Variants in CEP63 observed in about 807,000 individuals in gnomAD.
CEP63 encodes the protein centrosomal protein 63.
In CEP63, 84 loss-of-function variants were observed where a neutral mutation model predicts 89.1. That is an observed-to-expected ratio of 0.94 (90% CI 0.79 to 1.13). The LOEUF (loss-of-function observed/expected upper bound fraction) is 1.13. CEP63 is among the 50% of genes most tolerant of loss of function. The probability of loss-of-function intolerance (pLI) is 0.00; values close to 1 mark genes in which losing one functional copy is unlikely to be tolerated. For missense variants in CEP63, 838 were observed against 813.3 expected (o/e 1.03, Z -0.37); for synonymous variants, 267 against 272.5 (o/e 0.98, Z 0.20).
chr3:134,569,301 G>A (rs967511454), downstream of CEP63, among the ~76,000 whole-genome samples: 6 of 152,214 alleles, frequency 3.9e-5, no homozygotes, highest in African/African-American at 1.2e-4. Flanking sequence ...ATAGTCCAAA[G>A]TCTCATCTGA....
intron 1 of CEP63, among the ~76,000 whole-genome samples, chr3:134,491,570 G>C (rs527752016): frequency 9.9e-5 from 15 of 152,046 alleles, no homozygotes; most frequent in Non-Finnish European, 1.8e-4. Flanking sequence ...CTTTCTCATT[G>C]TTCTTCCTGG....
chr3:134,516,516 C>T (rs1946268842), intron 3 of CEP63, among the ~76,000 whole-genome samples: 1 of 152,156 alleles, frequency 6.6e-6, no homozygotes, highest in East Asian at 1.9e-4. Context: ...CAGGTCTTAC[C>T]CTTCCCATGA....
chr3:134,587,215 CT>C (rs970508448), intron 10 of CEP63, among the ~76,000 whole-genome samples: 15 of 134,834 alleles, frequency 1.1e-4, no homozygotes, highest in African/African-American at 4.3e-4. Context: ...AAGTCATTCT[CT>C]GTCCAGTTTT....
At chr3:134,535,336 C>T (rs1476678884) in intron 5 of CEP63, 1 of 152,154 alleles carries the variant, frequency 6.6e-6, no homozygotes, top group African/African-American at 2.4e-5. Flanking sequence ...CTTCCTCATC[C>T]TACCTACAGC....
rs1957406059 is a variant in CEP63 at position 134,562,124 on chromosome 3, GGA to G, written c.*595_*596del. The G allele has an allele frequency of 2.0e-6, 2 of 988,746 alleles. No individual in the cohort carries two copies. The highest frequency in any genetic ancestry group is 1.7e-5 in the African/African-American group (1 of 57,270). The allele number at this position is 988,746 out of a possible 1,614,324, so 61.2% of individuals were successfully genotyped here. ...CTCTCTTGCTCAACACTCATGCAGA[GGA>G]GAGAGGCAGGGAGGGCAAGGGACTG... On this transcript the variant is annotated 3_prime_UTR_variant, in exon 15 of 15. Coordinates refer to ENST00000675561, the MANE Select transcript of CEP63 (RefSeq NM_001353108.3).
At chr3:134,640,165 C>T in the CEP63 span, among the ~76,000 whole-genome samples, 1 of 148,804 alleles carries the variant, frequency 6.7e-6, no homozygotes, top group African/African-American at 2.5e-5. Context: ...AATGTTGAAC[C>T]ATTCCGAGCA....
chr3:134,608,482 C>T, the CEP63 span: 12 of 1,538,530 alleles, frequency 7.8e-6, no homozygotes, highest in African/African-American at 1.4e-5. Flanking sequence ...TGGGCTGCCT[C>T]AGCAGCCTCC....
intron 2 of CEP63, among the ~76,000 whole-genome samples, chr3:134,506,478 GC>G (rs1943476931): frequency 6.6e-6 from 1 of 152,128 alleles, no homozygotes; most frequent in African/African-American, 2.4e-5. Flanking sequence ...TTACAGAGGC[GC>G]TTGTTGGCTG....
At chr3:134,671,381 G>C in the CEP63 span, among the ~76,000 whole-genome samples, 2 of 152,174 alleles carry the variant, frequency 1.3e-5, no homozygotes, top group Admixed American at 1.3e-4. Context: ...CACCTATTGG[G>C]TACGATGTTC....
rs567819957 is a variant in CEP63, at chr3:134,505,274, T to G, written c.45-1835T>G. Among the ~76,000 whole-genome samples the G allele has an allele frequency of 5.3e-5, 8 of 152,206 alleles. No homozygotes were observed. The South Asian group carries it at 1.7e-3, about 32-fold the overall frequency. On this transcript the variant is annotated intron_variant, in intron 2 of 14. Coordinates refer to ENST00000675561, the MANE Select transcript of CEP63 (RefSeq NM_001353108.3). ...ATGGATTGGCTTTCATAGGGAAAAT[T>G]TTTTTCATATAGGTGTATCTATAGT...
At chr3:134,710,540 G>C in the CEP63 span, among the ~76,000 whole-genome samples, 41 of 152,268 alleles carry the variant, frequency 2.7e-4, no homozygotes, top group Non-Finnish European at 4.0e-4. Flanking sequence ...AATTCAAACA[G>C]TGTGGCCTGG....
chr3:134,650,733 G>A, the CEP63 span: 3 of 1,224,688 alleles, frequency 2.4e-6, no homozygotes, highest in African/African-American at 4.7e-5. Flanking sequence ...CCTCGTTCGG[G>A]GGAGCAATGG....
At chr3:134,674,095 G>C in the CEP63 span, among the ~76,000 whole-genome samples, 5 of 152,202 alleles carry the variant, frequency 3.3e-5, no homozygotes, top group Non-Finnish European at 7.3e-5. Context: ...CTGACTTTTA[G>C]TGTACTGTTG....
chr3:134,773,689 A>AC, the CEP63 span, among the ~76,000 whole-genome samples: 35 of 147,384 alleles, frequency 2.4e-4, no homozygotes, highest in Non-Finnish European at 3.3e-4. Flanking sequence ...CCCACAGCCC[A>AC]CCCCCCCACC....
the CEP63 span, among the ~76,000 whole-genome samples, chr3:134,708,612 T>G: frequency 1.3e-5 from 2 of 152,170 alleles, no homozygotes; most frequent in African/African-American, 4.8e-5. Flanking sequence ...CAGACTACGG[T>G]GTTTTATGTT....
chr3:134,547,628 T>TTTTTTTTTTTTTTTTTTTG (rs1182808443), intron 9 of CEP63, among the ~76,000 whole-genome samples, 156 bp downstream of exon 9: 1 of 122,610 alleles, frequency 8.2e-6, no homozygotes, highest in African/African-American at 3.1e-5. Flanking sequence ...TTTTTTTTTT[T>TTTTTTTTTTTTTTTTTTTG]TGAGACGGAG....
At chr3:134,648,682 C>G in the CEP63 span, among the ~76,000 whole-genome samples, 5 of 152,180 alleles carry the variant, frequency 3.3e-5, no homozygotes. Flanking sequence ...TGTCCACACT[C>G]TCCTTGCCTT....
At chr3:134,663,654 C>T in the CEP63 span, among the ~76,000 whole-genome samples, 1 of 152,230 alleles carries the variant, frequency 6.6e-6, no homozygotes, top group Non-Finnish European at 1.5e-5. Flanking sequence ...AGTGCAGGTT[C>T]TCAAGTCCTG....
intron 2 of CEP63, among the ~76,000 whole-genome samples, chr3:134,503,100 C>CTT (rs34673408): frequency 0.023 from 2,150 of 92,024 alleles, 131 homozygotes; most frequent in African/African-American, 0.065. Flanking sequence ...TGATTTCAAT[C>CTT]TTTTTTTTTT....
Sources: gnomAD v4.1 joint callset for allele counts (sites outside exome capture counted in the v4.1 genomes callset) on GRCh38, gnomAD v4.1.1 for gene constraint, MANE v1.5 for transcripts, NCBI Gene and HGNC (gene_info 2026-07-23, HGNC 2026-07-21) for gene names.